Variants in RYR2 observed in about 807,000 individuals in gnomAD.
RYR2 encodes ryanodine receptor 2, also known as cardiac muscle ryanodine receptor-calcium release channel.
In RYR2, 227 loss-of-function variants were observed where a neutral mutation model predicts 601.1. The observed-to-expected ratio is 0.38, with a 90% CI of 0.34 to 0.42. The LOEUF (loss-of-function observed/expected upper bound fraction) is 0.42. RYR2 is among the 10% of genes least tolerant of loss of function. The pLI, the probability that RYR2 is intolerant of heterozygous loss-of-function variation, is 1.00. For missense variants in RYR2, 4,646 were observed against 6,156.5 expected, an observed-to-expected ratio of 0.75 and a Z score of 8.21; for synonymous variants, 2,223 against 2,175.1, an observed-to-expected ratio of 1.02 and a Z score of -0.61.
At chr1:237,197,904 G>A (rs1680742090) in intron 1 of RYR2, among the ~76,000 whole-genome samples, 1 of 152,172 alleles carries the variant, frequency 6.6e-6, no homozygotes, top group African/African-American at 2.4e-5. Flanking sequence ...GTAGCACAGG[G>A]GAGGGAACTA....
chr1:237,553,451 C>T (rs1262307594), intron 27 of RYR2, among the ~76,000 whole-genome samples: 1 of 151,840 alleles, frequency 6.6e-6, no homozygotes, highest in Non-Finnish European at 1.5e-5. Flanking sequence ...GTTAATATTC[C>T]ATTGTCTTCA....
chr1:237,194,543 T>C (rs1195069633), intron 1 of RYR2, among the ~76,000 whole-genome samples: 1 of 152,058 alleles, frequency 6.6e-6, no homozygotes, highest in Non-Finnish European at 1.5e-5. Context: ...CCCAGAGCAC[T>C]AGAAAGGCAG....
rs1026253916 is a variant in RYR2, at chr1:237,180,638, A to G, written c.49-89859A>G. 4.5e-5 allele frequency among the ~76,000 whole-genome samples: 4 copies of G among 89,758 alleles called. No homozygotes were observed. The highest frequency in any genetic ancestry group is 1.8e-4 in the African/African-American group (3 of 16,512). 58.9% of individuals were successfully genotyped at this position (89,758 alleles called of 152,430 possible). A position where few individuals can be genotyped will look rare whatever the true frequency, so the allele number is the denominator to read the frequency against. ...TATGTATATATGTATATGTGTATAT[A>G]TGTATATGTATATGTGTATATATGT... is the stretch of plus-strand genomic sequence containing the variant. On this transcript the variant is annotated intron_variant, in intron 1 of 104. Coordinates refer to ENST00000366574, the MANE Select transcript of RYR2 (RefSeq NM_001035.3). The surrounding 1 kb of genome is among the most constrained non-coding windows in gnomAD (Gnocchi z 5.3).
chr1:237,101,318 A>AAAAAAAAC (rs1558234245), intron 1 of RYR2, among the ~76,000 whole-genome samples: 18 of 144,102 alleles, frequency 1.2e-4, no homozygotes, highest in Non-Finnish European at 2.3e-4. Flanking sequence ...AAAAAAAAAA[A>AAAAAAAAC]AAAAAACCTC....
chr1:237,391,350 G>T (rs960905544), intron 10 of RYR2, among the ~76,000 whole-genome samples: 10 of 152,080 alleles, frequency 6.6e-5, no homozygotes, highest in African/African-American at 2.4e-4. Context: ...TTTGCACAGT[G>T]ACATGAAAGC....
chr1:237,645,978 G>A (rs1029091915), intron 48 of RYR2, among the ~76,000 whole-genome samples: 18 of 150,392 alleles, frequency 1.2e-4, no homozygotes, highest in Admixed American at 8.6e-4. Flanking sequence ...CCGGGTTCAC[G>A]CCATTCTCCT....
Position 237,617,138 on chromosome 1 carries a change from C to T in RYR2, c.5716-148C>T, listed in dbSNP as rs577449619. On this transcript the variant is annotated intron_variant, in intron 37 of 104. Transcript: ENST00000366574. ...CAAATTATGTTTCATCTCCTGGGAC[C>T]GAGCACATTGCTGCCTATACAAAAT... 3.2e-4 allele frequency: 231 copies of T among 724,746 alleles called. No individual in the cohort carries two copies. In the African/African-American group the frequency reaches 3.5e-3, roughly 11 times the overall value. The allele number at this position is 724,746 out of a possible 1,614,324, so 44.9% of individuals were successfully genotyped here. A position where few individuals can be genotyped will look rare whatever the true frequency, so the allele number is the denominator to read the frequency against.
chr1:237,721,540 T>TG (rs1381540689), intron 73 of RYR2, among the ~76,000 whole-genome samples: 4 of 152,138 alleles, frequency 2.6e-5, no homozygotes, highest in Non-Finnish European at 5.9e-5. Context: ...TTTTTTGAGA[T>TG]GGAGTCTCAC....
intron 79 of RYR2, among the ~76,000 whole-genome samples, chr1:237,737,635 C>T (rs1691264534): frequency 6.6e-6 from 1 of 152,180 alleles, no homozygotes. Flanking sequence ...ATCTTTCTAA[C>T]ATTTGATTCT....
chr1:237,560,441 T>C (rs1671335952), intron 27 of RYR2, among the ~76,000 whole-genome samples: 2 of 152,156 alleles, frequency 1.3e-5, no homozygotes, highest in Non-Finnish European at 2.9e-5. Context: ...ATGACAGTTA[T>C]CTGGGAACTG....
chr1:237,050,498 C>G (rs947400492), intron 1 of RYR2, among the ~76,000 whole-genome samples: 1 of 152,124 alleles, frequency 6.6e-6, no homozygotes, highest in African/African-American at 2.4e-5. Flanking sequence ...TCAATGTGGC[C>G]AATTTGTTTT....
chr1:237,369,548 T>A lies in RYR2; in HGVS notation c.324T>A (p.Gly108=). ...WKFMMKTAQG[G]GHRTLLYGHA... ...TCTCTCTAAAGACTGCTCAAGGTGG[T>A]GGTCATCGAACACTCCTCTACGGAC... Residue 108 remains glycine (G), a synonymous_variant, in exon 6 of 105, where the codon GGT becomes GGA. Transcript: ENST00000366574. 6.4e-7 allele frequency: 1 copy of A among 1,563,448 alleles called. No homozygotes were observed. The highest frequency in any genetic ancestry group is 1.4e-5 in the African/African-American group (1 of 73,956).
intron 1 of RYR2, among the ~76,000 whole-genome samples, chr1:237,122,247 C>T (rs1039970974): frequency 6.7e-4 from 102 of 152,346 alleles, no homozygotes; most frequent in African/African-American, 2.4e-3. Flanking sequence ...CCCTCCACAT[C>T]GACCGCTTGC....
At chr1:237,387,627 G>A (rs984863094) in intron 9 of RYR2, among the ~76,000 whole-genome samples, 1 of 152,118 alleles carries the variant, frequency 6.6e-6, no homozygotes, top group African/African-American at 2.4e-5. Context: ...TATGCTTTAT[G>A]TGATAGCTTC....
chr1:237,511,724 G>T lies in RYR2; in HGVS notation c.2755G>T (p.Val919Leu). ...DDNKRQHPCLVEFSKLPEQER... is the reference protein window; with the variant it reads ...DDNKRQHPCLLEFSKLPEQER... ...CAACAAGAGACAACACCCATGCCTGGTGGAGTTCTCCAAGCTGCCTGAACA... is the reference window on the plus strand; with the variant it reads ...CAACAAGAGACAACACCCATGCCTGTTGGAGTTCTCCAAGCTGCCTGAACA... The change falls in exon 24 of 105, where the codon GTG becomes TTG. Residue 919 changes from valine (V) to leucine (L), a missense_variant. By Grantham distance (32) the Val-to-Leu change is conservative. Transcript: ENST00000366574. 1 of 1,574,180 alleles carries T rather than the reference G, an allele frequency of 6.4e-7. No homozygotes were observed. The highest frequency in any genetic ancestry group is 8.6e-7 in the Non-Finnish European group (1 of 1,157,974).
intron 34 of RYR2, among the ~76,000 whole-genome samples, chr1:237,597,526 C>G (rs1573031634): frequency 6.6e-6 from 1 of 151,700 alleles, no homozygotes. Context: ...GTGATCCGCT[C>G]ACCTCGGCCT....
intron 2 of RYR2, among the ~76,000 whole-genome samples, chr1:237,302,809 T>A (rs910919896): frequency 2.0e-5 from 3 of 152,198 alleles, no homozygotes; most frequent in African/African-American, 7.2e-5. Context: ...GAAATAAATA[T>A]CTCTGGACAC....
chr1:237,597,539 C>T (rs1034883339), intron 34 of RYR2, among the ~76,000 whole-genome samples: 1 of 151,766 alleles, frequency 6.6e-6, no homozygotes, highest in Admixed American at 6.6e-5. Context: ...CTCGGCCTCC[C>T]AAAGTGCTGG....
intron 10 of RYR2, among the ~76,000 whole-genome samples, chr1:237,410,568 A>G (rs996109116): frequency 1.1e-4 from 17 of 152,108 alleles, no homozygotes; most frequent in African/African-American, 3.9e-4. Context: ...CAGCCATCCT[A>G]TTTTTAAAAA....
Sources: gnomAD v4.1 joint callset for allele counts (sites outside exome capture counted in the v4.1 genomes callset) on GRCh38, gnomAD v4.1.1 for gene constraint, Gnocchi (gnomAD v3.1) non-coding constraint, MANE v1.5 for transcripts, NCBI Gene and HGNC (gene_info 2026-07-23, HGNC 2026-07-21) for gene names.